Variants in HECW1 observed in about 807,000 individuals in gnomAD.
HECW1 encodes the protein HECT, C2 and WW domain containing E3 ubiquitin protein ligase 1.
Under a neutral mutation model 182.3 loss-of-function variants are expected in HECW1, and 61 were observed. The observed-to-expected ratio is 0.33, with a 90% CI of 0.27 to 0.41. The LOEUF (loss-of-function observed/expected upper bound fraction) is 0.41. Ranked by LOEUF, HECW1 falls within the 10% of genes least tolerant of loss-of-function variation. HECW1 has a pLI of 1.00. For synonymous variants in HECW1, 859 were observed against 832.6 expected (o/e 1.03, Z -0.55); for missense variants, 1,739 against 2,108.9 (o/e 0.82, Z 3.44).
At chr7:43,133,515 A>G (rs1787183476) in intron 2 of HECW1, among the ~76,000 whole-genome samples, 1 of 151,544 alleles carries the variant, frequency 6.6e-6, no homozygotes, top group South Asian at 2.1e-4. Flanking sequence ...AAAACTGTCT[A>G]TTTTTCTAAA....
At chr7:43,229,471 A>G (rs1022947732) in intron 2 of HECW1, among the ~76,000 whole-genome samples, 3 of 150,170 alleles carry the variant, frequency 2.0e-5, no homozygotes, top group Non-Finnish European at 4.4e-5. Flanking sequence ...ACTGGGATCT[A>G]CTTGAGGGTG....
At chr7:43,347,261 A>G (rs1330022036) in intron 5 of HECW1, among the ~76,000 whole-genome samples, 1 of 57,860 alleles carries the variant, frequency 1.7e-5, no homozygotes, top group Non-Finnish European at 3.8e-5. Context: ...AATTTAATTT[A>G]ATTTAATTTT....
chr7:43,362,411 G>A (rs545111993), intron 6 of HECW1, among the ~76,000 whole-genome samples: 1 of 152,286 alleles, frequency 6.6e-6, no homozygotes, highest in East Asian at 1.9e-4. Context: ...GGAAGAGAGG[G>A]AGAGGCACAT....
chr7:43,193,902 G>GC (rs962023609), intron 2 of HECW1, among the ~76,000 whole-genome samples: 1 of 152,162 alleles, frequency 6.6e-6, no homozygotes, highest in Non-Finnish European at 1.5e-5. Flanking sequence ...GATTGTGAAT[G>GC]CCCCCCACAA....
At chr7:43,400,037 A>G (rs1002286783) in intron 7 of HECW1, among the ~76,000 whole-genome samples, 3 of 152,058 alleles carry the variant, frequency 2.0e-5, no homozygotes, top group African/African-American at 7.2e-5. Context: ...GGAGTTTGAG[A>G]CCACCTGGGT....
intron 15 of HECW1, among the ~76,000 whole-genome samples, chr7:43,467,534 A>T (rs1045171122): frequency 6.6e-6 from 1 of 152,132 alleles, no homozygotes; most frequent in Non-Finnish European, 1.5e-5. Context: ...AACCAAGAGT[A>T]GCACTTGGGC....
At chr7:43,554,886 T>A in intron 29 of HECW1, 96 bp downstream of exon 29, 1 of 1,112,950 alleles carries the variant, frequency 9.0e-7, no homozygotes, top group Non-Finnish European at 1.3e-6. Flanking sequence ...GGGATGGAAT[T>A]CTTTCCTGTC....
chr7:43,455,333 C>G (rs2077365942), intron 12 of HECW1, among the ~76,000 whole-genome samples: 1 of 152,104 alleles, frequency 6.6e-6, no homozygotes, highest in East Asian at 1.9e-4. Flanking sequence ...GTTTTGAAAC[C>G]CTAACAATCA....
At chr7:43,468,210 T>G (rs1263872920) in intron 15 of HECW1, among the ~76,000 whole-genome samples, 2 of 152,054 alleles carry the variant, frequency 1.3e-5, no homozygotes, top group Non-Finnish European at 2.9e-5. Context: ...TACATAGGGT[T>G]CAAAGGAATG....
rs1349987473 is a variant in HECW1 at position 43,414,414 on chromosome 7, G to C, written c.801+6683G>C. On this transcript the variant is annotated intron_variant, in intron 8 of 29. Transcript: ENST00000395891. ...TGTCGTCTGCAAACAGGGACAATTT[G>C]ACTTCCTCTTTTCCTAATTGAATAC... Among the ~76,000 whole-genome samples the C allele has an allele frequency of 4.6e-3, 649 of 142,062 alleles. 1 individual carries two copies. The highest frequency in any genetic ancestry group is 7.2e-3 in the Non-Finnish European group (472 of 65,242). The allele number at this position is 142,062 out of a possible 152,430, so 93.2% of individuals were successfully genotyped here.
At chr7:43,249,757 A>G (rs1404584062) in intron 3 of HECW1, among the ~76,000 whole-genome samples, 1 of 152,236 alleles carries the variant, frequency 6.6e-6, no homozygotes, top group Non-Finnish European at 1.5e-5. Flanking sequence ...AAGGAGTACC[A>G]GCTTTATATG....
chr7:43,529,251 T>C (rs2080884262), intron 24 of HECW1, among the ~76,000 whole-genome samples: 2 of 152,104 alleles, frequency 1.3e-5, no homozygotes, highest in Admixed American at 6.5e-5. Flanking sequence ...TGTCTCCTCA[T>C]AGTCTGGCAT....
At chr7:43,127,584 T>G (rs567359832) in intron 2 of HECW1, among the ~76,000 whole-genome samples, 1 of 149,292 alleles carries the variant, frequency 6.7e-6, no homozygotes, top group Admixed American at 6.7e-5. Flanking sequence ...TAAAGAAAGT[T>G]TTCATGGTTT....
At chr7:43,481,680 T>C (rs1049800412) in intron 17 of HECW1, among the ~76,000 whole-genome samples, 2 of 152,208 alleles carry the variant, frequency 1.3e-5, no homozygotes, top group Admixed American at 6.5e-5. Context: ...AAGTGCCATC[T>C]GTATCAGTTA....
At chr7:43,224,847 G>A in intron 2 of HECW1, among the ~76,000 whole-genome samples, 1 of 152,346 alleles carries the variant, frequency 6.6e-6, no homozygotes, top group South Asian at 2.1e-4. Context: ...ACCCACGTAG[G>A]AAGTGTCTCT....
At chr7:43,398,651 A>G (rs2075309008) in intron 7 of HECW1, among the ~76,000 whole-genome samples, 1 of 152,180 alleles carries the variant, frequency 6.6e-6, no homozygotes, top group Non-Finnish European at 1.5e-5. Flanking sequence ...TAACCACCCA[A>G]TGTGTTCACC....
intron 24 of HECW1, among the ~76,000 whole-genome samples, chr7:43,516,759 T>C (rs1344005350): frequency 6.6e-6 from 1 of 152,034 alleles, no homozygotes; most frequent in Non-Finnish European, 1.5e-5. Flanking sequence ...CATCATAGAG[T>C]GGAATTACAC....
At chr7:43,134,276 C>G (rs1288653717) in intron 2 of HECW1, among the ~76,000 whole-genome samples, 1 of 149,260 alleles carries the variant, frequency 6.7e-6, no homozygotes, top group Non-Finnish European at 1.5e-5. Context: ...TGCCTGTAAT[C>G]CCAGCTACTT....
chr7:43,351,178 G>A (rs1451332622), intron 5 of HECW1, among the ~76,000 whole-genome samples: 1 of 152,138 alleles, frequency 6.6e-6, no homozygotes, highest in Non-Finnish European at 1.5e-5. Context: ...CCTCCAGGCT[G>A]TTACTGGGGG....
Sources: allele counts gnomAD v4.1 joint callset (sites outside exome capture counted in the v4.1 genomes callset), GRCh38; gene constraint gnomAD v4.1.1; transcripts MANE v1.5; gene names NCBI Gene and HGNC (gene_info 2026-07-23, HGNC 2026-07-21).